CDH4: variants seen among roughly 807,000 people sequenced by gnomAD.
The protein encoded by CDH4 is cadherin-4.
In CDH4, 33 loss-of-function variants were observed where a neutral mutation model predicts 86.0. The observed-to-expected ratio is 0.38, with a 90% confidence interval of 0.29 to 0.51. CDH4 has a LOEUF of 0.51. Ranked by LOEUF, CDH4 falls within the 20% of genes least tolerant of loss-of-function variation. The probability of loss-of-function intolerance (pLI) is 0.86; values close to 1 mark genes in which losing one functional copy is unlikely to be tolerated. For missense variants in CDH4, 1,114 were observed against 1,307.4 expected (o/e 0.85, Z 2.28); for synonymous variants, 555 against 549.4 (o/e 1.01, Z -0.14).
At chr20:61,418,776 G>A (rs942406956) in intron 2 of CDH4, among the ~76,000 whole-genome samples, 8 of 152,156 alleles carry the variant, frequency 5.3e-5, no homozygotes, top group Admixed American at 1.3e-4. Context: ...CAGGGGCTCC[G>A]AGGGAGGATT....
intron 3 of CDH4, among the ~76,000 whole-genome samples, chr20:61,770,531 G>A (rs894514290): frequency 3.9e-5 from 6 of 152,254 alleles, no homozygotes; most frequent in Non-Finnish European, 8.8e-5. Context: ...CCGCATATAC[G>A]CGTGACGTTC....
intron 2 of CDH4, among the ~76,000 whole-genome samples, chr20:61,338,274 T>G (rs968577978): frequency 2.0e-5 from 3 of 151,556 alleles, no homozygotes; most frequent in African/African-American, 7.3e-5. Flanking sequence ...CTTGGGAGAT[T>G]GGGAAAAAAT....
chr20:61,909,167 C>T (rs796711481), intron 8 of CDH4, among the ~76,000 whole-genome samples: 25 of 152,328 alleles, frequency 1.6e-4, no homozygotes, highest in African/African-American at 6.0e-4. Flanking sequence ...GGGACACTCC[C>T]GGTGGAAGGG....
At chr20:61,505,312 T>A (rs2085732647) in intron 2 of CDH4, among the ~76,000 whole-genome samples, 1 of 152,248 alleles carries the variant, frequency 6.6e-6, no homozygotes, top group African/African-American at 2.4e-5. Flanking sequence ...CTGAACCCTC[T>A]GAATGCAGAT....
chr20:61,465,351 A>ATTGAACC (rs2085466463), intron 2 of CDH4, among the ~76,000 whole-genome samples: 1 of 151,734 alleles, frequency 6.6e-6, no homozygotes. Context: ...AGGAGTGGAT[A>ATTGAACC]TTGAACCTGG....
At chr20:61,731,045 C>T (rs962536512) in intron 2 of CDH4, among the ~76,000 whole-genome samples, 19 of 152,028 alleles carry the variant, frequency 1.2e-4, no homozygotes, top group East Asian at 1.9e-4. Context: ...TGGGCAGACC[C>T]CAGAGACCTC....
rs1243814008 is a variant in CDH4 at position 61,691,308 on chromosome 20, TGTGGATGTGTGTGTGCAA to T, written c.170-52242_170-52225del. Reference sequence around the variant, plus strand: ...GTGCATATGTGTGTGTATGTATTTGTGTGGATGTGTGTGTGCAAGTGGATGTGTGTATGTGTGTGTATT... The same window carrying T: ...GTGCATATGTGTGTGTATGTATTTGTGTGGATGTGTGTATGTGTGTGTATT... On this transcript the variant is annotated intron_variant, in intron 2 of 15. Transcript: ENST00000614565. Among the ~76,000 whole-genome samples the T allele has an allele frequency of 2.6e-5, 4 of 152,102 alleles. No individual in the cohort carries two copies. The South Asian group carries it at 6.2e-4, about 24-fold the overall frequency.
rs1382844961 is a variant in CDH4 at position 61,269,376 on chromosome 20, G to T, written c.169+14439G>T. Among the ~76,000 whole-genome samples, 4 of 152,090 alleles carry T rather than the reference G, an allele frequency of 2.6e-5. No individual in the cohort carries two copies. Among genetic ancestry groups the T allele is most frequent in the Admixed American group, 2.0e-4 (3 of 15,278 alleles). On this transcript the variant is annotated intron_variant, in intron 2 of 15. Transcript: ENST00000614565. The surrounding 1 kb of genome is among the most constrained non-coding windows in gnomAD (Gnocchi z 5.3). ...CCATGGAGACCTGGTATACCCCGTTGCCTGGAGAGTCCACATTTCTAATCC... is the reference window on the plus strand; with the variant it reads ...CCATGGAGACCTGGTATACCCCGTTTCCTGGAGAGTCCACATTTCTAATCC...
intron 2 of CDH4, among the ~76,000 whole-genome samples, chr20:61,743,201 G>A (rs999989028): frequency 6.6e-6 from 1 of 152,218 alleles, no homozygotes; most frequent in Admixed American, 6.5e-5. Context: ...CAAGAGTGGG[G>A]GGAACTGAGG....
At chr20:61,738,109 C>T (rs1166624199) in intron 2 of CDH4, 1 of 152,248 alleles carries the variant, frequency 6.6e-6, no homozygotes, top group Non-Finnish European at 1.5e-5. Context: ...GGGCCTGACC[C>T]CAGGGCCCAA....
At chr20:61,644,915 G>A (rs1045742352) in intron 2 of CDH4, among the ~76,000 whole-genome samples, 1 of 152,204 alleles carries the variant, frequency 6.6e-6, no homozygotes, top group Non-Finnish European at 1.5e-5. Flanking sequence ...TCGCTGAGTC[G>A]TGCGGCCTGA....
intron 2 of CDH4, among the ~76,000 whole-genome samples, chr20:61,371,680 G>A (rs1259576760): frequency 6.6e-6 from 1 of 152,204 alleles, no homozygotes; most frequent in Non-Finnish European, 1.5e-5. Context: ...TTCGTGGCTG[G>A]GTCCCGGCAT....
intron 2 of CDH4, among the ~76,000 whole-genome samples, chr20:61,511,888 G>T (rs2085782933): frequency 6.6e-6 from 1 of 152,126 alleles, no homozygotes; most frequent in Non-Finnish European, 1.5e-5. Context: ...GTATACTGTA[G>T]AATAAATATC....
chr20:61,385,243 C>T (rs896101501), intron 2 of CDH4, among the ~76,000 whole-genome samples: 4 of 152,072 alleles, frequency 2.6e-5, no homozygotes, highest in South Asian at 2.1e-4. Flanking sequence ...TAACCTTATA[C>T]GGAGGATGTG....
chr20:61,438,437 C>T (rs1369019831), intron 2 of CDH4, among the ~76,000 whole-genome samples: 2 of 151,948 alleles, frequency 1.3e-5, no homozygotes, highest in East Asian at 1.9e-4. Context: ...GAGAGGACCT[C>T]GTAAATCAGT....
At chr20:61,795,935 C>G (rs1367918133) in intron 4 of CDH4, among the ~76,000 whole-genome samples, 1 of 152,144 alleles carries the variant, frequency 6.6e-6, no homozygotes, top group Admixed American at 6.5e-5. Flanking sequence ...AGTACGAGAA[C>G]CTTTGCTGAG....
chr20:61,721,808 A>G (rs1440167112), intron 2 of CDH4, among the ~76,000 whole-genome samples: 3 of 152,202 alleles, frequency 2.0e-5, no homozygotes, highest in African/African-American at 7.2e-5. Flanking sequence ...GCCACAAATT[A>G]AATCATCAGA....
Position 61,298,654 on chromosome 20 carries a change from G to A in CDH4, c.169+43717G>A, listed in dbSNP as rs1176553506. The stretch of plus-strand genomic sequence containing the variant: ...TTCTGAGACACACTCTGAGACTTCT[G>A]GCACCCACCGTACCTTCTAATTCTA... On this transcript the variant is annotated intron_variant, in intron 2 of 15. Coordinates refer to ENST00000614565, the MANE Select transcript of CDH4 (RefSeq NM_001794.5). 1.5e-4 allele frequency among the ~76,000 whole-genome samples: 23 copies of A among 150,324 alleles called. No homozygotes were observed. In the East Asian group the frequency reaches 3.9e-3, roughly 26 times the overall value.
At chr20:61,264,821 C>T (rs1323232141) in intron 2 of CDH4, among the ~76,000 whole-genome samples, 1 of 139,774 alleles carries the variant, frequency 7.2e-6, no homozygotes, top group Non-Finnish European at 1.5e-5. Flanking sequence ...CCTACACATA[C>T]CCCAGTGGCT....
Sources: allele counts gnomAD v4.1 joint callset (sites outside exome capture counted in the v4.1 genomes callset), GRCh38; gene constraint gnomAD v4.1.1; non-coding constraint Gnocchi (gnomAD v3.1); transcripts MANE v1.5; gene names NCBI Gene and HGNC (gene_info 2026-07-23, HGNC 2026-07-21).